Variants in GRB10 observed in about 807,000 individuals in gnomAD.
GRB10 encodes the protein growth factor receptor-bound protein 10.
In GRB10, 20 loss-of-function variants were observed where a neutral mutation model predicts 80.9. That is an observed-to-expected ratio of 0.25 (90% CI 0.17 to 0.36). GRB10 has a LOEUF of 0.36. Ranked by LOEUF, GRB10 falls within the 10% of genes least tolerant of loss-of-function variation. The pLI, the probability that GRB10 is intolerant of heterozygous loss-of-function variation, is 1.00. For missense variants in GRB10, 548 were observed against 747.7 expected (o/e 0.73, Z 3.12); for synonymous variants, 291 against 291.5 (o/e 1.00, Z 0.02).
At chr7:50,621,685 A>G (rs1031181654) in intron 8 of GRB10, among the ~76,000 whole-genome samples, 6 of 152,242 alleles carry the variant, frequency 3.9e-5, no homozygotes, top group South Asian at 2.1e-4. Context: ...ATTATAAACA[A>G]TCACATCACT....
intron 2 of GRB10, among the ~76,000 whole-genome samples, chr7:50,773,528 G>T (rs1263616224): frequency 6.7e-6 from 1 of 149,078 alleles, no homozygotes; most frequent in African/African-American, 2.5e-5. Context: ...GAGAGGAGAG[G>T]ACAGGAAACG....
At chr7:50,619,068 C>A (rs910489359) in intron 9 of GRB10, 102 bp downstream of exon 9, 1 of 738,862 alleles carries the variant, frequency 1.4e-6, no homozygotes, top group Admixed American at 2.0e-5. Flanking sequence ...ATATGCTACA[C>A]CATGCCTCTC....
At chr7:50,726,241 T>C (rs1427858112) in intron 4 of GRB10, among the ~76,000 whole-genome samples, 2 of 152,098 alleles carry the variant, frequency 1.3e-5, no homozygotes, top group Middle Eastern at 3.4e-3. Flanking sequence ...CTGCTAAAAA[T>C]ACAAAAATTA....
At chr7:50,615,885 G>A (rs1026567382) in intron 11 of GRB10, among the ~76,000 whole-genome samples, 7 of 152,208 alleles carry the variant, frequency 4.6e-5, no homozygotes, top group African/African-American at 1.7e-4. Flanking sequence ...CATCTTTACA[G>A]CTAGCTTAAA....
Position 50,606,413 on chromosome 7 carries a change from T to C in GRB10, c.1196A>G (p.Tyr399Cys), listed in dbSNP as rs1358120776. The change falls in exon 14 of 19, where the codon TAT (tyrosine) becomes TGT (cysteine). Residue 399 changes from tyrosine to cysteine, a missense_variant and splice_region_variant. Physicochemically the swap from Tyr to Cys is radical, Grantham distance 194. Transcript: ENST00000401949. ...CWMTAFRLLK[Y>C]GMLLYQNYRI... ...GTAATTCTGGTAAAGGAGCATTCCA[T>C]ACTGGAGAGGAGAAGCCACAGTTAG... The C allele has an allele frequency of 3.1e-6, 5 of 1,613,454 alleles. No individual in the cohort carries two copies. Among genetic ancestry groups the C allele is most frequent in the Non-Finnish European group, 4.2e-6 (5 of 1,179,382 alleles).
intron 7 of GRB10, among the ~76,000 whole-genome samples, chr7:50,664,753 C>G (rs555721053): frequency 2.0e-5 from 3 of 152,188 alleles, no homozygotes; most frequent in Non-Finnish European, 4.4e-5. Context: ...GCCTCTCCGG[C>G]CGGAGCATGG....
chr7:50,787,143 A>G (rs1025646394), upstream of GRB10, among the ~76,000 whole-genome samples: 5 of 152,224 alleles, frequency 3.3e-5, no homozygotes, highest in Non-Finnish European at 7.3e-5. Flanking sequence ...ATGGAGCTGA[A>G]TGGACCAGAA....
chr7:50,784,883 G>C (rs1363410932), upstream of GRB10, among the ~76,000 whole-genome samples: 1 of 152,224 alleles, frequency 6.6e-6, no homozygotes, highest in Non-Finnish European at 1.5e-5. Context: ...GGGAAACGTA[G>C]AGTCCAAAAC....
chr7:50,785,064 C>T (rs879285052), upstream of GRB10, among the ~76,000 whole-genome samples: 1 of 152,214 alleles, frequency 6.6e-6, no homozygotes, highest in Non-Finnish European at 1.5e-5. Context: ...TGGTGGATCA[C>T]ATGCTAGCTG....
intron 7 of GRB10, among the ~76,000 whole-genome samples, chr7:50,642,720 G>C (rs1399645081): frequency 6.6e-6 from 1 of 151,854 alleles, no homozygotes; most frequent in African/African-American, 2.4e-5. Flanking sequence ...CTGGTGCCAA[G>C]CATTTCAGAT....
intron 5 of GRB10, among the ~76,000 whole-genome samples, chr7:50,676,543 G>T (rs964568769): frequency 6.6e-6 from 1 of 152,144 alleles, no homozygotes; most frequent in African/African-American, 2.4e-5. Flanking sequence ...TCACATAAGC[G>T]GTATTGAAAA....
chr7:50,641,038 A>G (rs1296609886), intron 7 of GRB10, among the ~76,000 whole-genome samples: 1 of 152,118 alleles, frequency 6.6e-6, no homozygotes, highest in East Asian at 1.9e-4. Context: ...GGCTCATGGG[A>G]ACGCGGTCCT....
intron 7 of GRB10, among the ~76,000 whole-genome samples, chr7:50,656,141 G>A (rs142321858): frequency 5.9e-5 from 9 of 152,342 alleles, no homozygotes; most frequent in African/African-American, 2.2e-4. Context: ...CAGTAAGGGC[G>A]TTATTTCCTG....
intron 5 of GRB10, among the ~76,000 whole-genome samples, chr7:50,700,134 A>G (rs1394323556): frequency 2.6e-5 from 4 of 151,960 alleles, no homozygotes; most frequent in Admixed American, 6.6e-5. Flanking sequence ...GCGAGACTCC[A>G]TCTCAAAAAA....
chr7:50,638,626 C>T (rs979484050), intron 7 of GRB10, among the ~76,000 whole-genome samples: 1 of 152,010 alleles, frequency 6.6e-6, no homozygotes, highest in African/African-American at 2.4e-5. Flanking sequence ...AAAAGGAAAG[C>T]CAAATACACT....
At chr7:50,777,429 T>TATAC (rs1554316306) in intron 2 of GRB10, among the ~76,000 whole-genome samples, 121 of 146,272 alleles carry the variant, frequency 8.3e-4, no homozygotes, top group African/African-American at 2.9e-3. Context: ...GCAATCTGTA[T>TATAC]ACACACACAC....
At chr7:50,786,851 C>T (rs1382178016), upstream of GRB10, among the ~76,000 whole-genome samples, 1 of 152,188 alleles carries the variant, frequency 6.6e-6, no homozygotes, top group Non-Finnish European at 1.5e-5. Context: ...TCCAAGACAA[C>T]AGCTGTGCAG....
chr7:50,733,546 C>A (rs199982476), intron 3 of GRB10, among the ~76,000 whole-genome samples: 1 of 152,200 alleles, frequency 6.6e-6, no homozygotes, highest in East Asian at 1.9e-4. Flanking sequence ...TTTGCTGGGG[C>A]TGAAAGGAAG....
At chr7:50,651,963 C>T (rs532956009) in intron 7 of GRB10, among the ~76,000 whole-genome samples, 6 of 152,372 alleles carry the variant, frequency 3.9e-5, no homozygotes, top group East Asian at 3.9e-4. Flanking sequence ...CCTCACTGGA[C>T]GCCCAGCCAC....
Sources: allele counts gnomAD v4.1 joint callset (sites outside exome capture counted in the v4.1 genomes callset), GRCh38; gene constraint gnomAD v4.1.1; transcripts MANE v1.5; gene names NCBI Gene and HGNC (gene_info 2026-07-23, HGNC 2026-07-21).